SH3BP4: variants seen among roughly 807,000 people sequenced by gnomAD.
SH3BP4 encodes the protein SH3 domain binding protein 4.
In SH3BP4, 33 loss-of-function variants were observed where a neutral mutation model predicts 65.5. The ratio of observed to expected loss-of-function variants is 0.50; its 90% CI spans 0.38 to 0.67. SH3BP4 has a LOEUF of 0.67. Ranked by LOEUF, SH3BP4 falls within the 30% of genes least tolerant of loss-of-function variation. The probability of loss-of-function intolerance (pLI) is 0.00; values close to 1 mark genes in which losing one functional copy is unlikely to be tolerated. For missense variants in SH3BP4, 1,134 were observed against 1,261.4 expected (o/e 0.90, Z 1.53); for synonymous variants, 552 against 545.5 (o/e 1.01, Z -0.17).
intron 1 of SH3BP4, among the ~76,000 whole-genome samples, chr2:234,968,142 A>G (rs920046480): frequency 2.6e-5 from 4 of 152,032 alleles, no homozygotes; most frequent in Admixed American, 2.6e-4. Context: ...CGGTGGTAGC[A>G]ATGATAATAG....
intron 2 of SH3BP4, among the ~76,000 whole-genome samples, chr2:234,996,440 A>G (rs943915912): frequency 1.3e-5 from 2 of 152,122 alleles, no homozygotes; most frequent in African/African-American, 4.8e-5. Flanking sequence ...AGAAGGTTTG[A>G]GATGTTCAGG....
chr2:235,026,230 C>T lies in SH3BP4; in HGVS notation c.-132-8641C>T, dbSNP rs1694997534. ...CACGCCCTCCCCTCCTCTTCCTGAC[C>T]TGTCGGGGGATCCCCAGCCTCAGAT... On this transcript the variant is annotated intron_variant, in intron 2 of 5. Coordinates refer to ENST00000392011, the MANE Select transcript of SH3BP4 (RefSeq NM_014521.3). The surrounding 1 kb of genome is among the most constrained non-coding windows in gnomAD (Gnocchi z 4.6). Among the ~76,000 whole-genome samples, 1 of 152,110 alleles carries T rather than the reference C, an allele frequency of 6.6e-6. No individual in the cohort carries two copies. The highest frequency in any genetic ancestry group is 1.5e-5 in the Non-Finnish European group (1 of 68,022).
rs1574837773 is a variant in SH3BP4, at chr2:235,034,880, T to G, written c.-123T>G. On this transcript the variant is annotated 5_prime_UTR_variant, in exon 3 of 6. Coordinates refer to ENST00000392011, the MANE Select transcript of SH3BP4 (RefSeq NM_014521.3). This position sits in a 1 kb window ranked among gnomAD's most constrained non-coding sequence, Gnocchi z 6.2. Reference sequence around the variant, plus strand: ...CCTCCTCTACTTTCAGGAAGAAACATATTGCCGAGTGGATGCCGCCGCGCA... The same window carrying G: ...CCTCCTCTACTTTCAGGAAGAAACAGATTGCCGAGTGGATGCCGCCGCGCA... 2 of 736,450 alleles carry G rather than the reference T, an allele frequency of 2.7e-6. No individual in the cohort carries two copies. The highest frequency in any genetic ancestry group is 5.2e-5 in the East Asian group (2 of 38,460). 45.6% of individuals were successfully genotyped at this position (736,450 alleles called of 1,614,324 possible).
At chr2:234,982,687 C>A (rs1693424240) in intron 1 of SH3BP4, among the ~76,000 whole-genome samples, 1 of 152,018 alleles carries the variant, frequency 6.6e-6, no homozygotes, top group South Asian at 2.1e-4. Flanking sequence ...AGGAGGCATT[C>A]CCTAGTCACA....
chr2:235,039,486 A>G (rs1419234545), intron 3 of SH3BP4, among the ~76,000 whole-genome samples: 1 of 151,860 alleles, frequency 6.6e-6, no homozygotes, highest in Non-Finnish European at 1.5e-5. Flanking sequence ...CAACTTAAAA[A>G]AAAAAAAGAA....
Position 235,041,336 on chromosome 2 carries a change from T to C in SH3BP4, c.567T>C (p.Thr189=), listed in dbSNP as rs376019710. Residue 189 remains threonine (T), a synonymous_variant, in exon 4 of 6, where the codon ACT becomes ACC. Coordinates refer to ENST00000392011, the MANE Select transcript of SH3BP4 (RefSeq NM_014521.3). The surrounding 1 kb of genome is among the most constrained non-coding windows in gnomAD (Gnocchi z 6.0). ...TGGATGAGCTGAATCCCAAAAGTAC[T>C]GTGGATTTGCTCCTTTTTGACGCAG... ...PSLDELNPKS[T]VDLLLFDAGT... The C allele has an allele frequency of 2.5e-6, 4 of 1,614,214 alleles. No individual in the cohort carries two copies. The highest frequency in any genetic ancestry group is 2.2e-5 in the South Asian group (2 of 91,084).
At chr2:235,012,696 G>A (rs957732001) in intron 2 of SH3BP4, among the ~76,000 whole-genome samples, 4 of 152,208 alleles carry the variant, frequency 2.6e-5, no homozygotes, top group Non-Finnish European at 5.9e-5. Flanking sequence ...TCCTCGGAGT[G>A]CATTACGCAC....
At chr2:235,000,024 A>C (rs1297851103) in intron 2 of SH3BP4, among the ~76,000 whole-genome samples, 4 of 152,186 alleles carry the variant, frequency 2.6e-5, no homozygotes, top group Admixed American at 1.3e-4. Flanking sequence ...TCCGCTGTGG[A>C]TTGATTCACC....
intron 1 of SH3BP4, among the ~76,000 whole-genome samples, chr2:234,992,695 A>AAG (rs1693786742): frequency 7.6e-6 from 1 of 131,954 alleles, no homozygotes; most frequent in Non-Finnish European, 1.7e-5. Context: ...AGATGGACGC[A>AAG]TTCCTGCTGC....
rs1693185540 is a variant in SH3BP4 at position 234,976,964 on chromosome 2, C to A, written c.-206-18339C>A. Among the ~76,000 whole-genome samples, 1 of 152,168 alleles carries A rather than the reference C, an allele frequency of 6.6e-6. No individual in the cohort carries two copies. The highest frequency in any genetic ancestry group is 2.1e-4 in the South Asian group (1 of 4,830). ...ATAGGAGACCCGGATGAAGGACAGG[C>A]TTTATTGTTTGATGATAGTGCACCG... is the stretch of plus-strand genomic sequence containing the variant. On this transcript the variant is annotated intron_variant, in intron 1 of 5. Coordinates refer to ENST00000392011, the MANE Select transcript of SH3BP4 (RefSeq NM_014521.3). The surrounding 1 kb of genome is among the most constrained non-coding windows in gnomAD (Gnocchi z 4.7).
At chr2:235,015,425 G>A (rs558419837) in intron 2 of SH3BP4, among the ~76,000 whole-genome samples, 131 of 152,296 alleles carry the variant, frequency 8.6e-4, no homozygotes, top group Non-Finnish European at 1.6e-3. Context: ...GGGAGCCCTC[G>A]CTGCTGTTGT....
At chr2:234,988,522 C>T (rs1170375410) in intron 1 of SH3BP4, among the ~76,000 whole-genome samples, 1 of 152,228 alleles carries the variant, frequency 6.6e-6, no homozygotes, top group Non-Finnish European at 1.5e-5. Context: ...GCCAGGGGAG[C>T]AGAGCCCAAA....
At chr2:234,959,434 T>C (rs1306231867) in intron 1 of SH3BP4, among the ~76,000 whole-genome samples, 2 of 152,294 alleles carry the variant, frequency 1.3e-5, no homozygotes, top group East Asian at 3.9e-4. Context: ...CATACAGCCA[T>C]GTAGTGACAA....
In SH3BP4 at chr2:235,042,137, T is replaced by C. The variant is rs771922166; in HGVS notation, c.1368T>C (p.His456=). The change falls in exon 4 of 6, where the codon CAT becomes CAC. Residue 456 remains histidine (H), a synonymous_variant. Coordinates refer to ENST00000392011, the MANE Select transcript of SH3BP4 (RefSeq NM_014521.3). The surrounding 1 kb of genome is among the most constrained non-coding windows in gnomAD (Gnocchi z 7.3). ...GTATGTACGTGGCTGTCGTGGCCCA[T>C]GGCCCAAGCATCCTCTACCCTTCCA... ...EPCMYVAVVA[H]GPSILYPSTV... The C allele has an allele frequency of 1.2e-6, 2 of 1,613,962 alleles. No individual in the cohort carries two copies. The highest frequency in any genetic ancestry group is 2.2e-5 in the South Asian group (2 of 91,076).
chr2:234,988,273 A>C (rs961918695), intron 1 of SH3BP4, among the ~76,000 whole-genome samples: 1 of 152,034 alleles, frequency 6.6e-6, no homozygotes, highest in Non-Finnish European at 1.5e-5. Context: ...GTTAGCCAGG[A>C]TAGTCTTGAT....
intron 2 of SH3BP4, among the ~76,000 whole-genome samples, chr2:235,003,978 C>A (rs1694212698): frequency 6.6e-6 from 1 of 152,202 alleles, no homozygotes; most frequent in Admixed American, 6.5e-5. Context: ...AGTGGGACTG[C>A]AGGCTTTGGG....
chr2:235,014,058 ATAT>A (rs1337352782), intron 2 of SH3BP4, among the ~76,000 whole-genome samples: 1 of 152,168 alleles, frequency 6.6e-6, no homozygotes, highest in African/African-American at 2.4e-5. Context: ...GTTTATCATA[ATAT>A]TATTAGCTAT....
At chr2:234,972,293 G>A (rs936726729) in intron 1 of SH3BP4, among the ~76,000 whole-genome samples, 4 of 151,624 alleles carry the variant, frequency 2.6e-5, no homozygotes, top group Admixed American at 6.6e-5. Context: ...CACCATGCCC[G>A]GCTAATTTTT....
rs1319784245 is a variant in SH3BP4, at chr2:234,976,858, C to T, written c.-206-18445C>T. Among the ~76,000 whole-genome samples the T allele has an allele frequency of 6.6e-6, 1 of 152,170 alleles. No individual in the cohort carries two copies. The highest frequency in any genetic ancestry group is 1.5e-5 in the Non-Finnish European group (1 of 68,034). The stretch of plus-strand genomic sequence containing the variant: ...GGGGAGATGCCCTAGCCAAGAGGAG[C>T]TTAAAGAGACACGACACCTAATGTC... On this transcript the variant is annotated intron_variant, in intron 1 of 5. Transcript: ENST00000392011. This position sits in a 1 kb window ranked among gnomAD's most constrained non-coding sequence, Gnocchi z 4.7.
Sources: gnomAD v4.1 joint callset for allele counts (sites outside exome capture counted in the v4.1 genomes callset) on GRCh38, gnomAD v4.1.1 for gene constraint, Gnocchi (gnomAD v3.1) non-coding constraint, MANE v1.5 for transcripts, NCBI Gene and HGNC (gene_info 2026-07-23, HGNC 2026-07-21) for gene names.